Variants in ZCCHC14 observed in about 807,000 individuals in gnomAD.
The protein encoded by ZCCHC14 is zinc finger CCHC-type containing 14.
ZCCHC14 carries 16 observed loss-of-function variants against 85.0 expected under a neutral mutation model. That is an observed-to-expected ratio of 0.19 (90% CI 0.13 to 0.29). The LOEUF is 0.29. ZCCHC14 is among the 10% of genes least tolerant of loss of function. ZCCHC14 has a pLI of 1.00. For missense variants in ZCCHC14, 1,303 were observed against 1,443.5 expected, an observed-to-expected ratio of 0.90 and a Z score of 1.58; for synonymous variants, 775 against 630.7, an observed-to-expected ratio of 1.23 and a Z score of -3.43.
rs1457796179 is a variant in ZCCHC14 at position 87,441,388 on chromosome 16, CAGA to C, written c.695-8190_695-8188del. Among the ~76,000 whole-genome samples the C allele has an allele frequency of 4.6e-5, 7 of 152,184 alleles. No individual in the cohort carries two copies. In the East Asian group the frequency reaches 5.8e-4, roughly 13 times the overall value. On this transcript the variant is annotated intron_variant, in intron 2 of 12. Coordinates refer to ENST00000671377, the MANE Select transcript of ZCCHC14 (RefSeq NM_015144.3). The stretch of plus-strand genomic sequence containing the variant: ...ATCTTTCCCGGTTTTGTCTTGGGGT[CAGA>C]AGAAGTATTTATGTACAAAAATCTT...
chr16:87,416,169 ACCTG>A (rs895343783), intron 8 of ZCCHC14, among the ~76,000 whole-genome samples: 1 of 151,662 alleles, frequency 6.6e-6, no homozygotes, highest in Admixed American at 6.6e-5. Flanking sequence ...CAGATGATCC[ACCTG>A]CCTCGGCCTC....
At position 87,444,203 on chromosome 16, in the gene ZCCHC14, T is replaced by C. The variant is rs552820929; in HGVS notation, c.695-11002A>G. 7.2e-5 allele frequency among the ~76,000 whole-genome samples: 11 copies of C among 152,286 alleles called. No individual in the cohort carries two copies. In the East Asian group the frequency reaches 1.3e-3, roughly 19 times the overall value. On this transcript the variant is annotated intron_variant, in intron 2 of 12. Transcript: ENST00000671377. ...AAACCCATTTCCCACTAAATGAACC[T>C]AGGCCGTTGGAAATTGTTGATTTCA...
At chr16:87,441,441 T>C (rs1259209398) in intron 2 of ZCCHC14, among the ~76,000 whole-genome samples, 1 of 152,208 alleles carries the variant, frequency 6.6e-6, no homozygotes, top group African/African-American at 2.4e-5. Context: ...TCTTTTTTTT[T>C]GTCTTTGATT....
At chr16:87,458,838 C>T (rs958624006) in intron 2 of ZCCHC14, among the ~76,000 whole-genome samples, 1 of 152,144 alleles carries the variant, frequency 6.6e-6, no homozygotes, top group African/African-American at 2.4e-5. Flanking sequence ...CGGACACAGC[C>T]GGCCTCGGTA....
chr16:87,441,241 C>T (rs1227709503), intron 2 of ZCCHC14, among the ~76,000 whole-genome samples: 2 of 152,198 alleles, frequency 1.3e-5, no homozygotes, highest in African/African-American at 4.8e-5. Flanking sequence ...ATCCGCCCGC[C>T]TCGGCCTCCC....
chr16:87,451,135 G>T (rs1482142668), intron 2 of ZCCHC14, among the ~76,000 whole-genome samples: 1 of 147,838 alleles, frequency 6.8e-6, no homozygotes, highest in Non-Finnish European at 1.5e-5. Context: ...CCTGACCTCA[G>T]GTGATCCGCC....
Position 87,412,814 on chromosome 16 carries a change from C to A in ZCCHC14, c.1907G>T (p.Ser636Ile). Residue 636 changes from serine (S) to isoleucine (I), a missense_variant, in exon 12 of 13, where the codon AGC (serine) becomes ATC (isoleucine). This residue lies in a region of ZCCHC14 where 797 missense variants were observed against 730.8 expected (regional missense o/e 1.09). Transcript: ENST00000671377. ...GHHPLPPQML[S>I]AASHITPIRM... ...GATGGGTGTGATGTGTGAGGCTGCGCTCAGCATCTGCGGGGGCAGGGGGTG... is the reference window on the plus strand; with the variant it reads ...GATGGGTGTGATGTGTGAGGCTGCGATCAGCATCTGCGGGGGCAGGGGGTG... 1 of 1,611,500 alleles carries A rather than the reference C, an allele frequency of 6.2e-7. No homozygotes were observed. Among genetic ancestry groups the A allele is most frequent in the Non-Finnish European group, 8.5e-7 (1 of 1,178,386 alleles).
At position 87,433,120 on chromosome 16, in the gene ZCCHC14, C is replaced by T; in HGVS notation, c.768+8G>A. The T allele has an allele frequency of 1.2e-6, 2 of 1,613,964 alleles. No individual in the cohort carries two copies. Among genetic ancestry groups the T allele is most frequent in the Non-Finnish European group, 1.7e-6 (2 of 1,179,844 alleles). ...CAGGAGAGAGGGGAAAAAAACTTAG[C>T]ATCTTACCTCAAAGGAACATTCAAC... On this transcript the variant is annotated splice_region_variant and intron_variant, in intron 3 of 12. Coordinates refer to ENST00000671377, the MANE Select transcript of ZCCHC14 (RefSeq NM_015144.3).
chr16:87,453,810 G>A (rs537474446), intron 2 of ZCCHC14, among the ~76,000 whole-genome samples: 7 of 152,238 alleles, frequency 4.6e-5, no homozygotes, highest in Non-Finnish European at 8.8e-5. Flanking sequence ...ATACTCAAGA[G>A]AAAACGCGAT....
chr16:87,428,843 G>A (rs755819756), intron 3 of ZCCHC14, among the ~76,000 whole-genome samples: 2 of 152,148 alleles, frequency 1.3e-5, no homozygotes, highest in Non-Finnish European at 2.9e-5. Flanking sequence ...CACGAGATTC[G>A]TGCATATGGC....
chr16:87,480,892 G>C (rs1454258864), intron 1 of ZCCHC14, among the ~76,000 whole-genome samples: 1 of 152,208 alleles, frequency 6.6e-6, no homozygotes, highest in Admixed American at 6.5e-5. Flanking sequence ...GGGCACAGGA[G>C]AGAGAAAGCA....
At position 87,412,894 on chromosome 16, in the gene ZCCHC14, G is replaced by T; in HGVS notation, c.1827C>A (p.Pro609=). 1 of 1,602,288 alleles carries T rather than the reference G, an allele frequency of 6.2e-7. No individual in the cohort carries two copies. Among genetic ancestry groups the T allele is most frequent in the Non-Finnish European group, 8.5e-7 (1 of 1,173,378 alleles). ...LNHFTSSSAR[P]TAQVLPVQNE... The stretch of plus-strand genomic sequence containing the variant: ...TCTGCACAGGGAGAACCTGGGCCGT[G>T]GGTCTGGCGGAACTGGAAGTGAAGT... Residue 609 remains proline, a synonymous_variant, in exon 12 of 13, where the codon CCC becomes CCA. Coordinates refer to ENST00000671377, the MANE Select transcript of ZCCHC14 (RefSeq NM_015144.3).
At chr16:87,450,568 CTTTTTTTTT>C (rs896071309) in intron 2 of ZCCHC14, among the ~76,000 whole-genome samples, 1 of 125,596 alleles carries the variant, frequency 8.0e-6, no homozygotes, top group Non-Finnish European at 1.7e-5. Flanking sequence ...ATAATAGATT[CTTTTTTTTT>C]TTTTTTTTTT....
chr16:87,479,280 G>A (rs2150774288), intron 1 of ZCCHC14, among the ~76,000 whole-genome samples: 3 of 152,138 alleles, frequency 2.0e-5, no homozygotes, highest in African/African-American at 7.2e-5. Context: ...GCCGGGTGTG[G>A]TGGCGGGTGC....
At chr16:87,474,692 G>A (rs1407479415) in intron 1 of ZCCHC14, among the ~76,000 whole-genome samples, 5 of 152,160 alleles carry the variant, frequency 3.3e-5, no homozygotes, top group Admixed American at 6.5e-5. Flanking sequence ...CTCACAGAGA[G>A]CCCCACAGTC....
Position 87,417,699 on chromosome 16 carries a change from C to G in ZCCHC14, c.1144G>C (p.Ala382Pro). The G allele has an allele frequency of 2.5e-6, 4 of 1,608,328 alleles. No individual in the cohort carries two copies. The highest frequency in any genetic ancestry group is 1.7e-6 in the Non-Finnish European group (2 of 1,178,188). Residue 382 changes from alanine (A) to proline (P), a missense_variant, in exon 8 of 13, where the codon GCC becomes CCC. Around this residue, in one of 7 missense-constraint regions of ZCCHC14, gnomAD observed 389 missense variants for 397.8 expected, o/e 0.98. Transcript: ENST00000671377. The stretch of plus-strand genomic sequence containing the variant: ...GCCGGGTGCTGCCCGTGGTGCTGGG[C>G]TCCGCTCTGCGAGGACGGGATACCA... ...VAGIPSSQSGAQHHGQHPAGS... is the reference protein window; with the variant it reads ...VAGIPSSQSGPQHHGQHPAGS...
chr16:87,466,358 C>G (rs1455340133), intron 1 of ZCCHC14, among the ~76,000 whole-genome samples: 1 of 152,242 alleles, frequency 6.6e-6, no homozygotes, highest in Non-Finnish European at 1.5e-5. Flanking sequence ...CCCCCCAACA[C>G]TGACGGCAGC....
chr16:87,435,149 C>A (rs1909858542), intron 2 of ZCCHC14, among the ~76,000 whole-genome samples: 1 of 151,724 alleles, frequency 6.6e-6, no homozygotes, highest in Non-Finnish European at 1.5e-5. Context: ...TTGGCAACTT[C>A]TTCTCCTAAC....
rs1274133021 is a variant in ZCCHC14, at chr16:87,491,643, G to A, written c.570+26C>T. On this transcript the variant is annotated intron_variant, in intron 1 of 12. Transcript: ENST00000671377. This position sits in a 1 kb window ranked among gnomAD's most constrained non-coding sequence, Gnocchi z 5.9. ...GTTGGGGATGCAGACTTGGGGTACA[G>A]GGCAGAGCTCGGGGCGGGCACGCAC... 5 of 1,390,348 alleles carry A rather than the reference G, an allele frequency of 3.6e-6. No homozygotes were observed. Among genetic ancestry groups the A allele is most frequent in the South Asian group, 3.4e-5 (2 of 59,510 alleles). 86.1% of individuals were successfully genotyped at this position (1,390,348 alleles called of 1,614,324 possible).
Sources: allele counts gnomAD v4.1 joint callset (sites outside exome capture counted in the v4.1 genomes callset), GRCh38; gene constraint gnomAD v4.1.1; regional missense constraint gnomAD v4.1.1; non-coding constraint Gnocchi (gnomAD v3.1); transcripts MANE v1.5; gene names NCBI Gene and HGNC (gene_info 2026-07-23, HGNC 2026-07-21).